Variants in ZC3H15 observed in about 807,000 individuals in gnomAD.
ZC3H15 encodes zinc finger CCCH-type containing 15.
Under a neutral mutation model 51.2 loss-of-function variants are expected in ZC3H15, and 15 were observed. That is an observed-to-expected ratio of 0.29 (90% CI 0.20 to 0.45). The LOEUF (loss-of-function observed/expected upper bound fraction) is 0.45, where lower values mean the gene tolerates loss of function less well. Ranked by LOEUF, ZC3H15 falls within the 20% of genes least tolerant of loss-of-function variation. The probability of loss-of-function intolerance (pLI) is 1.00; values close to 1 mark genes in which losing one functional copy is unlikely to be tolerated. For synonymous variants in ZC3H15, 144 were observed against 162.8 expected, an observed-to-expected ratio of 0.88 and a Z score of 0.88; for missense variants, 381 against 494.7, an observed-to-expected ratio of 0.77 and a Z score of 2.18.
At chr2:186,493,446 G>C (rs1685231133) in intron 1 of ZC3H15, among the ~76,000 whole-genome samples, 1 of 152,106 alleles carries the variant, frequency 6.6e-6, no homozygotes. Flanking sequence ...CTCCCAGCTG[G>C]AGGATCTTTC....
At chr2:186,500,609 C>T (rs1226915588) in intron 3 of ZC3H15, 4 of 508,270 alleles carry the variant, frequency 7.9e-6, no homozygotes, top group Admixed American at 2.3e-5. Context: ...ATAAACTGTA[C>T]GTCCCAAGTT....
At chr2:186,498,824 A>G (rs1685329989) in intron 2 of ZC3H15, among the ~76,000 whole-genome samples, 1 of 152,096 alleles carries the variant, frequency 6.6e-6, no homozygotes. Context: ...CTTAAGTACC[A>G]TATACCCAAA....
intron 2 of ZC3H15, among the ~76,000 whole-genome samples, chr2:186,496,040 A>G (rs1030904785): frequency 6.6e-5 from 10 of 151,752 alleles, no homozygotes; most frequent in African/African-American, 2.4e-4. Context: ...AATTGGTGAT[A>G]TTTCAGTTAT....
chr2:186,504,007 CT>C, intron 5 of ZC3H15, 24 bp from the exon 6 acceptor site: 1 of 1,527,426 alleles, frequency 6.5e-7, no homozygotes. Context: ...TGAGCCACCG[CT>C]TGTGAATAAT....
At chr2:186,490,676 G>A (rs371419741) in intron 1 of ZC3H15, among the ~76,000 whole-genome samples, 80 of 152,230 alleles carry the variant, frequency 5.3e-4, no homozygotes, top group African/African-American at 1.9e-3. Flanking sequence ...CTGCCCTTCC[G>A]CTGCTTCCCT....
chr2:186,497,571 G>A (rs563050627), intron 2 of ZC3H15, among the ~76,000 whole-genome samples: 2 of 152,252 alleles, frequency 1.3e-5, no homozygotes, highest in South Asian at 2.1e-4. Flanking sequence ...TGGAAGTGCA[G>A]TTATTCTTTG....
chr2:186,504,426 G>A (rs1000628294), intron 6 of ZC3H15, among the ~76,000 whole-genome samples: 2 of 152,134 alleles, frequency 1.3e-5, no homozygotes, highest in Admixed American at 1.3e-4. Flanking sequence ...TTTTAGGATT[G>A]TGAAACAGTC....
intron 1 of ZC3H15, among the ~76,000 whole-genome samples, chr2:186,488,257 C>A (rs569716921): frequency 6.6e-6 from 1 of 152,218 alleles, no homozygotes; most frequent in East Asian, 1.9e-4. Flanking sequence ...AATTTATTCA[C>A]CCAGGTAGCT....
intron 4 of ZC3H15, among the ~76,000 whole-genome samples, chr2:186,501,832 C>T (rs375064582): frequency 6.6e-6 from 1 of 152,022 alleles, no homozygotes; most frequent in Admixed American, 6.5e-5. Context: ...CTGCCTCAGC[C>T]TCCCAAGTAG....
In ZC3H15 at chr2:186,505,554, T is replaced by C. The variant is rs1478983132; in HGVS notation, c.821T>C (p.Met274Thr). The C allele has an allele frequency of 3.1e-6, 5 of 1,609,170 alleles. No individual in the cohort carries two copies. Among genetic ancestry groups the C allele is most frequent in the Non-Finnish European group, 3.4e-6 (4 of 1,178,580 alleles). The change falls in exon 7 of 10, where the codon ATG (methionine) becomes ACG (threonine). Residue 274 changes from methionine (M) to threonine (T), a missense_variant. By Grantham distance (81) the Met-to-Thr change is moderately conservative. This residue lies in a region of ZC3H15 where 215 missense variants were observed against 241.8 expected (regional missense o/e 0.89). Transcript: ENST00000337859. Reference protein sequence around the residue: ...QEKIDKLEQDMERRKADFKAG... With the variant: ...QEKIDKLEQDTERRKADFKAG... ...AAGATTGATAAACTTGAACAAGATATGGAAAGAAGGAAAGCTGACTTCAAA... is the reference window on the plus strand; with the variant it reads ...AAGATTGATAAACTTGAACAAGATACGGAAAGAAGGAAAGCTGACTTCAAA...
intron 5 of ZC3H15, among the ~76,000 whole-genome samples, chr2:186,503,171 C>G (rs1685414050): frequency 6.6e-6 from 1 of 152,068 alleles, no homozygotes; most frequent in Admixed American, 6.6e-5. Flanking sequence ...TCATACACAT[C>G]TGTTATGTTT....
intron 2 of ZC3H15, among the ~76,000 whole-genome samples, chr2:186,497,417 C>G (rs1685299966): frequency 1.3e-5 from 2 of 152,146 alleles, no homozygotes; most frequent in African/African-American, 2.4e-5. Context: ...ATGTTTAGAG[C>G]TCACGCCTGT....
chr2:186,508,201 T>A (rs1280151088), intron 9 of ZC3H15, among the ~76,000 whole-genome samples: 1 of 152,178 alleles, frequency 6.6e-6, no homozygotes, highest in African/African-American at 2.4e-5. Flanking sequence ...CCATAACCAT[T>A]TAGTCAAATA....
At chr2:186,493,369 GTC>G (rs1445970394) in intron 1 of ZC3H15, among the ~76,000 whole-genome samples, 1 of 152,100 alleles carries the variant, frequency 6.6e-6, no homozygotes, top group East Asian at 1.9e-4. Flanking sequence ...AAGCTAGTAA[GTC>G]TGTACAGTAA....
chr2:186,505,352 A>G lies in ZC3H15; in HGVS notation c.718-99A>G, dbSNP rs1437748242. On this transcript the variant is annotated intron_variant, in intron 6 of 9. Coordinates refer to ENST00000337859, the MANE Select transcript of ZC3H15 (RefSeq NM_018471.3). ...TATTCCAATGTAATATCTTCAGGAT[A>G]GTCATGGGCAAGGAATTAATCACAT... is the stretch of plus-strand genomic sequence containing the variant. The G allele has an allele frequency of 2.2e-6, 3 of 1,356,728 alleles. No individual in the cohort carries two copies. The Admixed American group carries it at 8.2e-5, about 37-fold the overall frequency. The allele number at this position is 1,356,728 out of a possible 1,614,324, so 84.0% of individuals were successfully genotyped here. A position where few individuals can be genotyped will look rare whatever the true frequency, so the allele number is the denominator to read the frequency against.
At chr2:186,499,814 G>A (rs533155918) in intron 2 of ZC3H15, among the ~76,000 whole-genome samples, 21 of 152,306 alleles carry the variant, frequency 1.4e-4, no homozygotes, top group Non-Finnish European at 2.9e-4. Flanking sequence ...ATGTGGGACT[G>A]TACATTTCAG....
intron 1 of ZC3H15, among the ~76,000 whole-genome samples, chr2:186,490,070 T>C (rs1234210057): frequency 6.6e-6 from 1 of 152,076 alleles, no homozygotes; most frequent in Non-Finnish European, 1.5e-5. Context: ...TCCTGCCCAT[T>C]TTTTAATATT....
At chr2:186,491,244 G>A (rs1297842910) in intron 1 of ZC3H15, among the ~76,000 whole-genome samples, 9 of 152,092 alleles carry the variant, frequency 5.9e-5, no homozygotes, top group Non-Finnish European at 1.3e-4. Flanking sequence ...AATATACCTA[G>A]GTTCAAATAT....
At position 186,509,185 on chromosome 2, in the gene ZC3H15, C is replaced by T. The variant is rs187360153; in HGVS notation, c.*452C>T. Reference sequence around the variant, plus strand: ...TGAGCACTGTACTTCATAAAGGAAACTGCGTATGCAGATTCAGTATTGTGT... The same window carrying T: ...TGAGCACTGTACTTCATAAAGGAAATTGCGTATGCAGATTCAGTATTGTGT... On this transcript the variant is annotated 3_prime_UTR_variant, in exon 10 of 10. Transcript: ENST00000337859. 2.8e-4 allele frequency: 92 copies of T among 327,302 alleles called. No homozygotes were observed. In the East Asian group the frequency reaches 7.1e-3, roughly 25 times the overall value. The allele number at this position is 327,302 out of a possible 1,614,324, so 20.3% of individuals were successfully genotyped here.
Sources: gnomAD v4.1 joint callset for allele counts (sites outside exome capture counted in the v4.1 genomes callset) on GRCh38, gnomAD v4.1.1 for gene constraint, gnomAD v4.1.1 regional missense constraint, MANE v1.5 for transcripts, NCBI Gene and HGNC (gene_info 2026-07-23, HGNC 2026-07-21) for gene names.